DIS3: variants seen among roughly 807,000 people sequenced by gnomAD.
The protein encoded by DIS3 is exosome complex exonuclease RRP44.
DIS3 carries 103 observed loss-of-function variants against 113.0 expected under a neutral mutation model. The observed-to-expected ratio is 0.91, with a 90% CI of 0.78 to 1.07. The LOEUF is 1.07. DIS3 is among the 50% of genes least tolerant of loss of function. The pLI, the probability that DIS3 is intolerant of heterozygous loss-of-function variation, is 0.00. For missense variants in DIS3, 1,121 were observed against 1,167.1 expected (o/e 0.96, Z 0.58); for synonymous variants, 402 against 394.3 (o/e 1.02, Z -0.23).
intron 16 of DIS3, 125 bp from the exon 17 acceptor site, chr13:72,762,262 A>T (rs1234406970): frequency 2.4e-6 from 2 of 820,970 alleles, no homozygotes; most frequent in South Asian, 1.8e-5. Flanking sequence ...TTCCCTTCAA[A>T]GTAGAAGTAG....
At position 72,777,420 on chromosome 13, in the gene DIS3, C is replaced by G; in HGVS notation, c.654G>C (p.Gly218=). The part of the protein sequence containing the change: ...IDRLACLSEE[G]NEIESGKIIF... ...TTTCAAAAACAAAACAAAAACATAC[C>G]CCTTCTTCAGACAAACAAGCAAGAC... The change falls in exon 4 of 21, where the codon GGG becomes GGC. Residue 218 remains glycine (G), a splice_region_variant and synonymous_variant. Coordinates refer to ENST00000377767, the MANE Select transcript of DIS3 (RefSeq NM_014953.5). The G allele has an allele frequency of 6.2e-7, 1 of 1,613,622 alleles. No homozygotes were observed. Among genetic ancestry groups the G allele is most frequent in the Non-Finnish European group, 8.5e-7 (1 of 1,179,788 alleles).
chr13:72,768,763 T>C (rs1363056248), intron 14 of DIS3, 22 bp downstream of exon 14: 9 of 1,549,676 alleles, frequency 5.8e-6, no homozygotes, highest in Middle Eastern at 2.2e-4. Flanking sequence ...ATTATCTTAA[T>C]ACTATGAAAA....
At chr13:72,776,342 G>C (rs1346897562) in intron 4 of DIS3, among the ~76,000 whole-genome samples, 1 of 152,012 alleles carries the variant, frequency 6.6e-6, no homozygotes, top group African/African-American at 2.4e-5. Context: ...GCACTTGAAA[G>C]ACAGATAGTA....
In DIS3 at chr13:72,764,941, A is replaced by C. The variant is rs545911226; in HGVS notation, c.1970+1031T>G. On this transcript the variant is annotated intron_variant, in intron 15 of 20. Transcript: ENST00000377767. ...TTAATATTAAACATACTTACACAGA[A>C]GTTCTACTATAAGGGATTGTTAGAT... Among the ~76,000 whole-genome samples the C allele has an allele frequency of 2.0e-5, 3 of 152,268 alleles. No individual in the cohort carries two copies. The South Asian group carries it at 6.2e-4, about 32-fold the overall frequency.
In DIS3 at chr13:72,759,784, G is replaced by A. The variant is rs774262481; in HGVS notation, c.*11C>T. ...AAGAAACCAGTCTTTGAAGATTTTT[G>A]TTGAATATAGCTATTTTCCAAGCTT... On this transcript the variant is annotated 3_prime_UTR_variant, in exon 21 of 21. Transcript: ENST00000377767. 2.5e-6 allele frequency: 4 copies of A among 1,603,962 alleles called. No individual in the cohort carries two copies. Among genetic ancestry groups the A allele is most frequent in the Non-Finnish European group, 3.4e-6 (4 of 1,175,732 alleles).
At position 72,773,729 on chromosome 13, in the gene DIS3, A is replaced by T. The variant is rs760458798; in HGVS notation, c.1194T>A (p.Ile398=). 6.2e-7 allele frequency: 1 copy of T among 1,613,496 alleles called. No individual in the cohort carries two copies. Among genetic ancestry groups the T allele is most frequent in the South Asian group, 1.1e-5 (1 of 90,834 alleles). The change falls in exon 8 of 21, where the codon ATT becomes ATA. Residue 398 remains isoleucine, a synonymous_variant. Transcript: ENST00000377767. ...TGGGCCAACCATCAATAGCAACAAT[A>T]ATTCTCCGTCCTTCTAATGTGGAAG... ...RQASTLEGRR[I]IVAIDGWPRN... is the part of the protein sequence containing the mutation.
chr13:72,760,771 G>T, intron 19 of DIS3, 120 bp from the exon 20 acceptor site: 1 of 1,228,508 alleles, frequency 8.1e-7, no homozygotes, highest in Non-Finnish European at 1.1e-6. Flanking sequence ...AAGCATCTAC[G>T]TGTTCAACAT....
chr13:72,763,296 C>G (rs1392113131), intron 16 of DIS3, among the ~76,000 whole-genome samples, 155 bp downstream of exon 16: 1 of 151,464 alleles, frequency 6.6e-6, no homozygotes, highest in African/African-American at 2.4e-5. Flanking sequence ...CAGTGAGACC[C>G]TGTCTCAAAA....
At chr13:72,772,056 T>C (rs534545042) in intron 10 of DIS3, 103 bp downstream of exon 10, 23 of 1,217,412 alleles carry the variant, frequency 1.9e-5, no homozygotes, top group African/African-American at 6.0e-5. Context: ...GCTACAATTA[T>C]ACTTCACAAG....
At chr13:72,765,942 T>C in intron 15 of DIS3, 30 bp downstream of exon 15, 5 of 1,510,780 alleles carry the variant, frequency 3.3e-6, no homozygotes, top group Non-Finnish European at 4.5e-6. Context: ...AAAAAAATCT[T>C]ATCTAATGCC....
At position 72,763,401 on chromosome 13, in the gene DIS3, C is replaced by A. The variant is rs375294078; in HGVS notation, c.2127+50G>T. On this transcript the variant is annotated intron_variant, in intron 16 of 20. Transcript: ENST00000377767. ...TATGAATATAAATTATTTAGAACAA[C>A]AGGTAGATCAAAACACAAATAGATG... 17 of 1,530,126 alleles carry A rather than the reference C, an allele frequency of 1.1e-5. No individual in the cohort carries two copies. The African/African-American group carries it at 1.7e-4, about 15-fold the overall frequency. 94.8% of individuals were successfully genotyped at this position (1,530,126 alleles called of 1,614,324 possible).
At chr13:72,781,400 G>A (rs2034212704) in intron 1 of DIS3, 1 of 1,524,890 alleles carries the variant, frequency 6.6e-7, no homozygotes, top group Non-Finnish European at 8.8e-7. Context: ...TAACGTGTCT[G>A]AACTACGACT....
chr13:72,777,008 TA>T (rs1250725671), intron 4 of DIS3, among the ~76,000 whole-genome samples: 1 of 152,242 alleles, frequency 6.6e-6, no homozygotes, highest in African/African-American at 2.4e-5. Context: ...GAGATCTTTA[TA>T]AATCAATTGA....
intron 5 of DIS3, 44 bp downstream of exon 5, chr13:72,775,881 A>G (rs2034002636): frequency 1.4e-6 from 2 of 1,457,088 alleles, no homozygotes; most frequent in African/African-American, 1.5e-5. Flanking sequence ...TATATAAAAT[A>G]TCATCTTTAT....
In DIS3 at chr13:72,754,973, C is replaced by G; in HGVS notation, c.*4822G>C. ...GTGCGATCCTCCCACCTTGGCCTCT[C>G]AAAGTGTTGGGATGCTTTTTGATGC... On this transcript the variant is annotated 3_prime_UTR_variant, in exon 21 of 21. Coordinates refer to ENST00000377767, the MANE Select transcript of DIS3 (RefSeq NM_014953.5). The G allele has an allele frequency of 1.8e-6, 1 of 551,196 alleles. No homozygotes were observed. Among genetic ancestry groups the G allele is most frequent in the Non-Finnish European group, 3.2e-6 (1 of 312,956 alleles). 34.1% of individuals were successfully genotyped at this position (551,196 alleles called of 1,614,324 possible).
At chr13:72,771,643 C>T in intron 11 of DIS3, 152 bp downstream of exon 11, 1 of 613,850 alleles carries the variant, frequency 1.6e-6, no homozygotes, top group East Asian at 3.3e-5. Context: ...CAATACTTTA[C>T]TTGTTATTTG....
At position 72,753,585 on chromosome 13, in the gene DIS3, A is replaced by G; in HGVS notation, c.*6210T>C. 8.5e-7 allele frequency: 1 copy of G among 1,176,622 alleles called. No individual in the cohort carries two copies. Among genetic ancestry groups the G allele is most frequent in the Non-Finnish European group, 1.2e-6 (1 of 832,796 alleles). 72.9% of individuals were successfully genotyped at this position (1,176,622 alleles called of 1,614,324 possible). On this transcript the variant is annotated 3_prime_UTR_variant, in exon 21 of 21. Coordinates refer to ENST00000377767, the MANE Select transcript of DIS3 (RefSeq NM_014953.5). ...TTCAACATGATCAATATTACATGTTAGGATCATTCAGATGTAGTGAATGAG... is the reference window on the plus strand; with the variant it reads ...TTCAACATGATCAATATTACATGTTGGGATCATTCAGATGTAGTGAATGAG...
chr13:72,775,401 G>A, intron 5 of DIS3, 26 bp from the exon 6 acceptor site: 1 of 1,558,234 alleles, frequency 6.4e-7, no homozygotes, highest in East Asian at 2.3e-5. Context: ...GAGGGCACGT[G>A]CCCAAATTAT....
rs1039729197 is a variant in DIS3, at chr13:72,762,099, A to T, written c.2166T>A (p.Ala722=). ...GAGATTCGGCCTGATCCAAAGACTC[A>T]GCCAAAGACTTGGCTGTATCAGTCT... The part of the protein sequence containing the change: ...EIKTDTAKSL[A]ESLDQAESPT... Residue 722 remains alanine (A), a synonymous_variant, in exon 17 of 21, where the codon GCT becomes GCA. Coordinates refer to ENST00000377767, the MANE Select transcript of DIS3 (RefSeq NM_014953.5). 6.2e-7 allele frequency: 1 copy of T among 1,613,934 alleles called. No individual in the cohort carries two copies. The highest frequency in any genetic ancestry group is 8.5e-7 in the Non-Finnish European group (1 of 1,180,030).
Sources: allele counts gnomAD v4.1 joint callset (sites outside exome capture counted in the v4.1 genomes callset), GRCh38; gene constraint gnomAD v4.1.1; transcripts MANE v1.5; gene names NCBI Gene and HGNC (gene_info 2026-07-23, HGNC 2026-07-21).